Variants in ABCC1 observed in about 807,000 individuals in gnomAD.
ABCC1 encodes the protein ATP binding cassette subfamily C member 1 (ABCC1 blood group), also known as multidrug resistance-associated protein 1.
A neutral mutation model predicts 172.9 loss-of-function variants in ABCC1; 83 were observed. That is an observed-to-expected ratio of 0.48 (90% confidence interval 0.40 to 0.58). The LOEUF is 0.58. Among genes scored for constraint, ABCC1 ranks in the 20% least tolerant of loss-of-function variants. The pLI, the probability that ABCC1 is intolerant of heterozygous loss-of-function variation, is 0.00. For synonymous variants in ABCC1, 937 were observed against 825.2 expected, an observed-to-expected ratio of 1.14 and a Z score of -2.32; for missense variants, 1,817 against 2,002.7, an observed-to-expected ratio of 0.91 and a Z score of 1.77.
chr16:16,038,305 G>A (rs1373543050), intron 7 of ABCC1, among the ~76,000 whole-genome samples: 1 of 152,132 alleles, frequency 6.6e-6, no homozygotes, highest in Non-Finnish European at 1.5e-5. Flanking sequence ...CAGGAAGCTG[G>A]TAGCATGGCT....
At chr16:16,138,598 T>C (rs1190433729) in intron 30 of ABCC1, 40 bp downstream of exon 30, 1 of 1,477,838 alleles carries the variant, frequency 6.8e-7, no homozygotes, top group Non-Finnish European at 9.1e-7. Flanking sequence ...CTTTGGGAGT[T>C]TGCCTTACTC....
chr16:15,967,295 A>T (rs966534730), intron 1 of ABCC1, among the ~76,000 whole-genome samples: 3 of 152,032 alleles, frequency 2.0e-5, no homozygotes, highest in African/African-American at 7.2e-5. Context: ...AGTATAGACG[A>T]TTCAGGTTAA....
chr16:16,044,314 T>A (rs2151876095), intron 7 of ABCC1, 136 bp from the exon 8 acceptor site: 2 of 771,262 alleles, frequency 2.6e-6, no homozygotes, highest in East Asian at 5.4e-5. Flanking sequence ...ACCACTGTGC[T>A]GAGCTGCCTC....
intron 1 of ABCC1, among the ~76,000 whole-genome samples, chr16:15,986,599 C>G (rs937257067): frequency 1.3e-5 from 2 of 152,190 alleles, no homozygotes; most frequent in Non-Finnish European, 2.9e-5. Context: ...AGCCACCCCC[C>G]GCCATCCCTG....
At position 16,127,797 on chromosome 16, in the gene ABCC1, T is replaced by C. The variant is rs537910577; in HGVS notation, c.3819+1886T>C. Reference sequence around the variant, plus strand: ...TTCTGACTGGGTGAACCAGGTCCCATGTCACGGGTGAGCATTGTAAGAATG... The same window carrying C: ...TTCTGACTGGGTGAACCAGGTCCCACGTCACGGGTGAGCATTGTAAGAATG... On this transcript the variant is annotated intron_variant, in intron 26 of 30. Transcript: ENST00000399410. Among the ~76,000 whole-genome samples, 10 of 152,256 alleles carry C rather than the reference T, an allele frequency of 6.6e-5. No homozygotes were observed. The South Asian group carries it at 1.9e-3, about 28-fold the overall frequency.
chr16:16,091,970 G>T (rs770045464), intron 19 of ABCC1, among the ~76,000 whole-genome samples: 3 of 152,248 alleles, frequency 2.0e-5, no homozygotes, highest in Non-Finnish European at 2.9e-5. Context: ...GGGCGCAGTG[G>T]CTCACGCCTG....
chr16:16,115,994 T>TC (rs2044846461), intron 23 of ABCC1, among the ~76,000 whole-genome samples: 2 of 151,694 alleles, frequency 1.3e-5, no homozygotes, highest in African/African-American at 4.8e-5. Flanking sequence ...GCTCCACCTC[T>TC]CGGGTTCACA....
At chr16:16,010,935 T>C (rs2047753072) in intron 3 of ABCC1, among the ~76,000 whole-genome samples, 1 of 151,982 alleles carries the variant, frequency 6.6e-6, no homozygotes, top group Admixed American at 6.6e-5. Context: ...CCTTGAGTAT[T>C]GTAAAAAGAG....
intron 20 of ABCC1, 94 bp downstream of exon 20, chr16:16,102,811 T>A: frequency 8.2e-7 from 1 of 1,217,426 alleles, no homozygotes; most frequent in South Asian, 1.4e-5. Context: ...CCCCCTGAGG[T>A]CCTGGAAGGC....
intron 15 of ABCC1, among the ~76,000 whole-genome samples, chr16:16,076,963 G>T (rs1381905311): frequency 1.3e-5 from 2 of 152,134 alleles, no homozygotes; most frequent in African/African-American, 2.4e-5. Context: ...TCAGTCAGGG[G>T]CTGTGATGCT....
At chr16:16,061,772 CTTTT>C (rs201926082) in intron 12 of ABCC1, among the ~76,000 whole-genome samples, 1 of 116,222 alleles carries the variant, frequency 8.6e-6, no homozygotes, top group Non-Finnish European at 1.7e-5. Context: ...TTCTTTTTTT[CTTTT>C]TTTTTTTTTT....
intron 1 of ABCC1, among the ~76,000 whole-genome samples, chr16:15,975,381 C>T (rs891898502): frequency 1.3e-5 from 2 of 152,074 alleles, no homozygotes; most frequent in Non-Finnish European, 2.9e-5. Context: ...AGCTTGTACA[C>T]GTTGTTCCTT....
intron 1 of ABCC1, among the ~76,000 whole-genome samples, chr16:16,001,098 A>G (rs1040566427): frequency 8.5e-5 from 13 of 152,230 alleles, no homozygotes; most frequent in African/African-American, 3.1e-4. Flanking sequence ...CTTTAAGTAA[A>G]TGCCTGAGTA....
In ABCC1 at chr16:15,954,006, C is replaced by CTT. The variant is rs57768825; in HGVS notation, c.48+4225_48+4226dup. On this transcript the variant is annotated intron_variant, in intron 1 of 30. Coordinates refer to ENST00000399410, the MANE Select transcript of ABCC1 (RefSeq NM_004996.4). ...CTTCCTCTGTTTTCCCCTCCCCACC[C>CTT]TTTTTTTTTTTTTTTTTTTGAGATG... Among the ~76,000 whole-genome samples, 135 of 116,904 alleles carry CTT rather than the reference C, an allele frequency of 1.2e-3. 1 individual carries two copies. Among genetic ancestry groups the CTT allele is most frequent in the Middle Eastern group, 4.6e-3 (1 of 216 alleles). The allele number at this position is 116,904 out of a possible 152,430, so 76.7% of individuals were successfully genotyped here.
intron 17 of ABCC1, among the ~76,000 whole-genome samples, chr16:16,086,230 A>G (rs2051000686): frequency 1.3e-5 from 2 of 152,158 alleles, no homozygotes; most frequent in Non-Finnish European, 2.9e-5. Context: ...CCTGCTCAGC[A>G]CCTCACGGGA....
At chr16:16,060,238 C>T (rs1245748689) in intron 12 of ABCC1, among the ~76,000 whole-genome samples, 1 of 152,118 alleles carries the variant, frequency 6.6e-6, no homozygotes, top group African/African-American at 2.4e-5. Flanking sequence ...GGGTTAGATT[C>T]CAAGCATGTC....
intron 1 of ABCC1, among the ~76,000 whole-genome samples, chr16:15,952,097 C>T (rs1021603850): frequency 6.6e-5 from 10 of 152,206 alleles, no homozygotes; most frequent in Admixed American, 6.5e-5. Context: ...CTGTGTGCCT[C>T]ACTTTCCTCA....
Position 16,068,213 on chromosome 16 carries a change from G to T in ABCC1, c.1735G>T (p.Ala579Ser), listed in dbSNP as rs375480187. 6.2e-7 allele frequency: 1 copy of T among 1,614,150 alleles called. No individual in the cohort carries two copies. The highest frequency in any genetic ancestry group is 8.5e-7 in the Non-Finnish European group (1 of 1,180,018). ...CATTGACGAGAACAACATCCTGGAT[G>T]CCCAGACAGCCTTCGTGTCTTTGGC... ...VTIDENNILD[A>S]QTAFVSLALF... Residue 579 changes from alanine to serine, a missense_variant, in exon 13 of 31, where the codon GCC becomes TCC. Around this residue, in one of 3 missense-constraint regions of ABCC1, gnomAD observed 1,412 missense variants for 1,600.3 expected, o/e 0.88. Coordinates refer to ENST00000399410, the MANE Select transcript of ABCC1 (RefSeq NM_004996.4).
At chr16:16,138,004 C>T (rs1227230511) in intron 29 of ABCC1, among the ~76,000 whole-genome samples, 2 of 151,942 alleles carry the variant, frequency 1.3e-5, no homozygotes, top group African/African-American at 4.8e-5. Context: ...GAGCATGCCA[C>T]CACACCCAGC....
Sources: allele counts gnomAD v4.1 joint callset (sites outside exome capture counted in the v4.1 genomes callset), GRCh38; gene constraint gnomAD v4.1.1; regional missense constraint gnomAD v4.1.1; transcripts MANE v1.5; gene names NCBI Gene and HGNC (gene_info 2026-07-23, HGNC 2026-07-21).